SACS: variants seen among roughly 807,000 people sequenced by gnomAD.
The protein encoded by SACS is sacsin molecular chaperone, also known as sacsin.
In SACS, 197 loss-of-function variants were observed where a neutral mutation model predicts 348.0. The observed-to-expected ratio is 0.57, with a 90% CI of 0.50 to 0.64. SACS has a LOEUF of 0.64. Ranked by LOEUF, SACS falls within the 30% of genes least tolerant of loss-of-function variation. The pLI, the probability that SACS is intolerant of heterozygous loss-of-function variation, is 0.00. For missense variants in SACS, 4,999 were observed against 5,360.8 expected, an observed-to-expected ratio of 0.93 and a Z score of 2.11; for synonymous variants, 1,985 against 1,910.6, an observed-to-expected ratio of 1.04 and a Z score of -1.02.
At chr13:23,388,532 A>G (rs952341966) in intron 2 of SACS, among the ~76,000 whole-genome samples, 2 of 149,048 alleles carry the variant, frequency 1.3e-5, no homozygotes, top group Non-Finnish European at 3.0e-5. Flanking sequence ...ACAGGCTACT[A>G]CTCAGCCATT....
In SACS at chr13:23,339,497, A is replaced by C; in HGVS notation, c.4379T>G (p.Leu1460Arg). 3 of 1,610,328 alleles carry C rather than the reference A, an allele frequency of 1.9e-6. No individual in the cohort carries two copies. Among genetic ancestry groups the C allele is most frequent in the South Asian group, 2.2e-5 (2 of 90,470 alleles). Residue 1460 changes from leucine to arginine, a missense_variant, in exon 10 of 10, where the codon CTT becomes CGT. Around this residue, in one of 6 missense-constraint regions of SACS, gnomAD observed 3,156 missense variants for 3,380.1 expected, o/e 0.93. Coordinates refer to ENST00000382292, the MANE Select transcript of SACS (RefSeq NM_014363.6). Reference sequence around the variant, plus strand: ...CAGAATATTTTTAATTCTTACAGTAAGTGGCTCTCTTTGTCCTGACTGCTC... The same window carrying C: ...CAGAATATTTTTAATTCTTACAGTACGTGGCTCTCTTTGTCCTGACTGCTC... ...GFEQSGQREP[L>R]TVRIKNILEE...
chr13:23,404,790 G>C (rs1320445945), intron 2 of SACS, among the ~76,000 whole-genome samples: 2 of 152,058 alleles, frequency 1.3e-5, no homozygotes, highest in Non-Finnish European at 2.9e-5. Context: ...GCCAAATCAT[G>C]AGCGAACTTT....
Position 23,333,828 on chromosome 13 carries a change from A to G in SACS, c.10048T>C (p.Cys3350Arg). Residue 3350 changes from cysteine (C) to arginine (R), a missense_variant, in exon 10 of 10, where the codon TGT (cysteine) becomes CGT (arginine). Physicochemically the swap from Cys to Arg is radical, Grantham distance 180 (BLOSUM62 -3). Around this residue, in one of 6 missense-constraint regions of SACS, gnomAD observed 734 missense variants for 694.0 expected, o/e 1.06. Transcript: ENST00000382292. ...GGGCTCTCTATATTTGCTGTGTGACATGACAACAAAGGAACAAATGCACTG... is the reference window on the plus strand; with the variant it reads ...GGGCTCTCTATATTTGCTGTGTGACGTGACAACAAAGGAACAAATGCACTG... The part of the protein sequence containing the change: ...KDSAFVPLLS[C>R]HTANIESPTS... 1 of 1,613,874 alleles carries G rather than the reference A, an allele frequency of 6.2e-7. No homozygotes were observed. The highest frequency in any genetic ancestry group is 8.5e-7 in the Non-Finnish European group (1 of 1,179,830).
At chr13:23,390,389 A>G (rs1872483888) in intron 2 of SACS, among the ~76,000 whole-genome samples, 1 of 152,188 alleles carries the variant, frequency 6.6e-6, no homozygotes, top group Non-Finnish European at 1.5e-5. Context: ...GCTGGGCACA[A>G]TGGCTCACAC....
chr13:23,340,190 T>C lies in SACS; in HGVS notation c.3686A>G (p.Lys1229Arg), dbSNP rs1869071091. Residue 1229 changes from lysine (K) to arginine (R), a missense_variant, in exon 10 of 10, where the codon AAA becomes AGA. By Grantham distance (26) the Lys-to-Arg change is conservative. Around this residue, in one of 6 missense-constraint regions of SACS, gnomAD observed 3,156 missense variants for 3,380.1 expected, o/e 0.93. Transcript: ENST00000382292. ...PSLSAVLKHFKIVVDWYSSKT... is the reference protein window; with the variant it reads ...PSLSAVLKHFRIVVDWYSSKT... Reference sequence around the variant, plus strand: ...TGAAGAATACCAATCAACAACAATTTTAAAGTGTTTTAAGACAGCACTAAG... The same window carrying C: ...TGAAGAATACCAATCAACAACAATTCTAAAGTGTTTTAAGACAGCACTAAG... 1.2e-6 allele frequency: 2 copies of C among 1,611,982 alleles called. No homozygotes were observed.
intron 4 of SACS, among the ~76,000 whole-genome samples, chr13:23,368,843 T>C (rs71429841): frequency 2.5e-4 from 38 of 152,140 alleles, no homozygotes; most frequent in Non-Finnish European, 5.0e-4. Flanking sequence ...GGACTACAGG[T>C]GCCCACCACC....
chr13:23,397,551 T>G (rs1307341828), intron 2 of SACS, among the ~76,000 whole-genome samples: 1 of 152,220 alleles, frequency 6.6e-6, no homozygotes, highest in Non-Finnish European at 1.5e-5. Flanking sequence ...CTTTATCTTT[T>G]GAGTAATCCA....
chr13:23,365,082 G>T, intron 6 of SACS, 84 bp downstream of exon 6: 2 of 883,976 alleles, frequency 2.3e-6, no homozygotes, highest in Non-Finnish European at 3.7e-6. Context: ...ATGATAGACT[G>T]TTCATTAAAC....
intron 1 of SACS, among the ~76,000 whole-genome samples, chr13:23,412,209 A>G (rs921158099): frequency 2.6e-5 from 4 of 152,094 alleles, no homozygotes; most frequent in Admixed American, 2.6e-4. Context: ...CAGTGAGCCA[A>G]GATCGCGCCA....
intron 9 of SACS, among the ~76,000 whole-genome samples, chr13:23,346,010 A>G (rs1289779369): frequency 6.6e-6 from 1 of 152,084 alleles, no homozygotes. Flanking sequence ...CTTCCTCTGC[A>G]CACCCAGGAC....
At chr13:23,375,722 G>C (rs1372875256) in intron 2 of SACS, among the ~76,000 whole-genome samples, 1 of 134,376 alleles carries the variant, frequency 7.4e-6, no homozygotes, top group Non-Finnish European at 1.6e-5. Flanking sequence ...TGCCCAATCC[G>C]GACAGTTAGC....
intron 5 of SACS, among the ~76,000 whole-genome samples, 193 bp from the exon 6 acceptor site, chr13:23,365,470 A>ACT (rs1195514712): frequency 6.6e-6 from 1 of 152,196 alleles, no homozygotes; most frequent in Non-Finnish European, 1.5e-5. Flanking sequence ...GTATGGTTGA[A>ACT]AAGTCCTTCT....
chr13:23,332,296 T>A lies in SACS; in HGVS notation c.11580A>T (p.Ile3860=). 6.2e-7 allele frequency: 1 copy of A among 1,614,058 alleles called. No individual in the cohort carries two copies. The highest frequency in any genetic ancestry group is 8.5e-7 in the Non-Finnish European group (1 of 1,179,946). The part of the protein sequence containing the change: ...TKQYVEVLSR[I]FKNSEGKQLD... ...ATTGTTTGCCCTCAGAATTTTTAAA[T>A]ATGCGGCTCAACACTTCAACATATT... Residue 3860 remains isoleucine (I), a synonymous_variant, in exon 10 of 10, where the codon ATA becomes ATT. Coordinates refer to ENST00000382292, the MANE Select transcript of SACS (RefSeq NM_014363.6).
At chr13:23,395,408 C>G (rs896397842) in intron 2 of SACS, among the ~76,000 whole-genome samples, 1 of 152,160 alleles carries the variant, frequency 6.6e-6, no homozygotes, top group African/African-American at 2.4e-5. Flanking sequence ...CCCAAACGGG[C>G]ACCTTTAAGA....
At chr13:23,427,665 T>C (rs7998705) in intron 1 of SACS, 78,437 of 152,140 alleles carry the variant, frequency 0.52, 22,128 homozygotes, top group Middle Eastern at 0.66. Flanking sequence ...TTCCCTGAGC[T>C]AAACGCCGCC....
At chr13:23,405,494 GCAAAGA>G (rs1485170568) in intron 2 of SACS, among the ~76,000 whole-genome samples, 1 of 152,186 alleles carries the variant, frequency 6.6e-6, no homozygotes, top group Non-Finnish European at 1.5e-5. Context: ...ATAGGCATGG[GCAAAGA>G]CTTCATGACT....
At position 23,372,832 on chromosome 13, in the gene SACS, A is replaced by T. The variant is rs78227846; in HGVS notation, c.172-1667T>A. 5.2e-3 allele frequency among the ~76,000 whole-genome samples: 789 copies of T among 152,284 alleles called. 5 individuals carry two copies. Among genetic ancestry groups the T allele is most frequent in the African/African-American group, 0.018 (750 of 41,566 alleles). ...TATTCTACACCCATCCCCCACATCC[A>T]CATCCATTTGGTACCAAATTGTGGC... On this transcript the variant is annotated intron_variant, in intron 3 of 9. Coordinates refer to ENST00000382292, the MANE Select transcript of SACS (RefSeq NM_014363.6).
rs553052626 is a variant in SACS, at chr13:23,388,117, C to T, written c.21-12848G>A. 5.3e-5 allele frequency among the ~76,000 whole-genome samples: 8 copies of T among 152,198 alleles called. No homozygotes were observed. The South Asian group carries it at 1.7e-3, about 32-fold the overall frequency. On this transcript the variant is annotated intron_variant, in intron 2 of 9. Transcript: ENST00000382292. ...CGGGGTATCCACCCAAAAGAAGAGA[C>T]GTCATTATATCAAAAAGACACCTGC...
chr13:23,354,874 G>A lies in SACS; in HGVS notation c.1738C>T (p.Leu580Phe), dbSNP rs1313635074. The A allele has an allele frequency of 6.2e-7, 1 of 1,614,020 alleles. No individual in the cohort carries two copies. Among genetic ancestry groups the A allele is most frequent in the Non-Finnish European group, 8.5e-7 (1 of 1,180,044 alleles). The part of the protein sequence containing the change: ...VRLEQVYFSE[L>F]DENLEYTKTV... The stretch of plus-strand genomic sequence containing the variant: ...TTTGTGTATTCTAAATTTTCATCAA[G>A]TTCTGAGAAGTACACCTGCTCCAAC... The change falls in exon 8 of 10, where the codon CTT (leucine) becomes TTT (phenylalanine). Residue 580 changes from leucine (L) to phenylalanine (F), a missense_variant. This residue lies in a region of SACS where 3,156 missense variants were observed against 3,380.1 expected (regional missense o/e 0.93). Coordinates refer to ENST00000382292, the MANE Select transcript of SACS (RefSeq NM_014363.6).
Sources: gnomAD v4.1 joint callset for allele counts (sites outside exome capture counted in the v4.1 genomes callset) on GRCh38, gnomAD v4.1.1 for gene constraint, gnomAD v4.1.1 regional missense constraint, MANE v1.5 for transcripts, NCBI Gene and HGNC (gene_info 2026-07-23, HGNC 2026-07-21) for gene names.